ZNF398: variants seen among roughly 807,000 people sequenced by gnomAD.
ZNF398 encodes the protein zinc finger protein 398.
A neutral mutation model predicts 41.9 loss-of-function variants in ZNF398; 18 were observed. That is an observed-to-expected ratio of 0.43 (90% CI 0.30 to 0.64). The LOEUF is 0.64. ZNF398 is among the 30% of genes least tolerant of loss of function. The pLI, the probability that ZNF398 is intolerant of heterozygous loss-of-function variation, is 0.14. For synonymous variants in ZNF398, 260 were observed against 308.8 expected, an observed-to-expected ratio of 0.84 and a Z score of 1.66; for missense variants, 669 against 822.8, an observed-to-expected ratio of 0.81 and a Z score of 2.29.
At chr7:149,162,518 C>G (rs1254655747) in intron 2 of ZNF398, among the ~76,000 whole-genome samples, 1 of 152,012 alleles carries the variant, frequency 6.6e-6, no homozygotes, top group Non-Finnish European at 1.5e-5. Flanking sequence ...TTTATACAGA[C>G]AGGATCTCAC....
Position 149,181,953 on chromosome 7 carries a change from G to A in ZNF398, c.*2152G>A, listed in dbSNP as rs1303632918. 1 of 152,202 alleles carries A rather than the reference G, an allele frequency of 6.6e-6. No homozygotes were observed. Among genetic ancestry groups the A allele is most frequent in the Non-Finnish European group, 1.5e-5 (1 of 68,036 alleles). The allele number at this position is 152,202 out of a possible 1,614,324, so 9.4% of individuals were successfully genotyped here. ...CCAGTGAAAAGGGAGAAGAGCCAAA[G>A]TATTGTCTAGGTGCTGAGTTCCCTT... On this transcript the variant is annotated 3_prime_UTR_variant, in exon 6 of 6. Coordinates refer to ENST00000475153, the MANE Select transcript of ZNF398 (RefSeq NM_170686.3).
intron 1 of ZNF398, among the ~76,000 whole-genome samples, chr7:149,153,339 C>T (rs1794900653): frequency 6.6e-6 from 1 of 152,086 alleles, no homozygotes; most frequent in South Asian, 2.1e-4. Context: ...TATTGTAGGC[C>T]AAAGTTTGCC....
intron 1 of ZNF398, among the ~76,000 whole-genome samples, chr7:149,149,421 G>A (rs1316785254): frequency 2.0e-5 from 3 of 151,860 alleles, no homozygotes; most frequent in East Asian, 3.9e-4. Context: ...TTAGTAGAGA[G>A]GGGGGTTTCA....
At chr7:149,137,570 C>T (rs1300835537) in intron 2 of ZNF398, among the ~76,000 whole-genome samples, 2 of 152,018 alleles carry the variant, frequency 1.3e-5, no homozygotes, top group Non-Finnish European at 1.5e-5. Context: ...TTAGTAGAGA[C>T]GGGTTTTCAC....
chr7:149,163,720 C>G (rs1795163517), intron 2 of ZNF398, among the ~76,000 whole-genome samples: 1 of 152,114 alleles, frequency 6.6e-6, no homozygotes, highest in Admixed American at 6.6e-5. Context: ...GGTGATCCAC[C>G]CGCCTTGGCC....
intron 2 of ZNF398, among the ~76,000 whole-genome samples, chr7:149,134,402 T>C (rs1016992161): frequency 1.3e-4 from 20 of 151,722 alleles, no homozygotes; most frequent in Non-Finnish European, 2.6e-4. Context: ...GTTTTTGTCT[T>C]TTTGATATGA....
chr7:149,155,881 C>T (rs1449384039), intron 2 of ZNF398, among the ~76,000 whole-genome samples: 1 of 151,546 alleles, frequency 6.6e-6, no homozygotes, highest in East Asian at 2.0e-4. Flanking sequence ...CGTCCGTCAC[C>T]ATGCCCAGCT....
rs112205776 is a variant in ZNF398, at chr7:149,171,369, T to G, written c.661+4439T>G. ...CTATAACTTTTTCCTATTTTTAAATTTTTTTACTTATTTTTTTGAAATGAA... is the reference window on the plus strand; with the variant it reads ...CTATAACTTTTTCCTATTTTTAAATGTTTTTACTTATTTTTTTGAAATGAA... On this transcript the variant is annotated intron_variant, in intron 4 of 5. Transcript: ENST00000475153. 1.6e-3 allele frequency among the ~76,000 whole-genome samples: 240 copies of G among 152,194 alleles called. 1 individual carries two copies. Among genetic ancestry groups the G allele is most frequent in the African/African-American group, 5.1e-3 (212 of 41,544 alleles).
At chr7:149,151,768 C>T (rs1007412920) in intron 1 of ZNF398, among the ~76,000 whole-genome samples, 1 of 149,618 alleles carries the variant, frequency 6.7e-6, no homozygotes, top group Non-Finnish European at 1.5e-5. Context: ...ATTCATTCAA[C>T]AAAAATTTCT....
rs896800900 is a variant in ZNF398 at position 149,166,955 on chromosome 7, T to C, written c.661+25T>C. ...GGTAAGTGGGAGAAGAGATTCCTAC[T>C]TCTTGTCTCCCTTTCCTGGTCAGAC... is the stretch of plus-strand genomic sequence containing the variant. On this transcript the variant is annotated intron_variant, in intron 4 of 5. Coordinates refer to ENST00000475153, the MANE Select transcript of ZNF398 (RefSeq NM_170686.3). 19 of 1,529,752 alleles carry C rather than the reference T, an allele frequency of 1.2e-5. 1 individual carries two copies. In the South Asian group the frequency reaches 2.2e-4, roughly 18 times the overall value. 94.8% of individuals were successfully genotyped at this position (1,529,752 alleles called of 1,614,324 possible). A position where few individuals can be genotyped will look rare whatever the true frequency, so the allele number is the denominator to read the frequency against.
chr7:149,161,756 TTAG>T (rs1228396436), intron 2 of ZNF398, among the ~76,000 whole-genome samples: 1 of 149,738 alleles, frequency 6.7e-6, no homozygotes, highest in African/African-American at 2.5e-5. Context: ...AAGAGGGGAA[TTAG>T]TAGAAAAGCT....
At chr7:149,126,637 A>C (rs1163996300) in exon 1 of ZNF398, 1 of 244,860 alleles carries the variant, frequency 4.1e-6, no homozygotes, top group East Asian at 1.3e-4. Flanking sequence ...AGAAACCCGG[A>C]CTGAGAGGCA....
At chr7:149,165,150 T>C (rs914769141) in intron 2 of ZNF398, among the ~76,000 whole-genome samples, 4 of 151,814 alleles carry the variant, frequency 2.6e-5, no homozygotes, top group African/African-American at 9.7e-5. Flanking sequence ...AACGAAAATT[T>C]TGACCTGGAA....
At chr7:149,151,938 T>A (rs1827127051) in intron 1 of ZNF398, among the ~76,000 whole-genome samples, 1 of 152,004 alleles carries the variant, frequency 6.6e-6, no homozygotes, top group African/African-American at 2.4e-5. Context: ...TAAAATCATA[T>A]ATAAAATAAT....
intron 4 of ZNF398, among the ~76,000 whole-genome samples, chr7:149,172,084 C>T (rs1166066282): frequency 6.6e-6 from 1 of 152,158 alleles, no homozygotes; most frequent in African/African-American, 2.4e-5. Context: ...ACAAATGTTA[C>T]ATGGTACGTG....
At chr7:149,127,091 G>A (rs1826496395) in intron 1 of ZNF398, among the ~76,000 whole-genome samples, 1 of 152,170 alleles carries the variant, frequency 6.6e-6, no homozygotes, top group African/African-American at 2.4e-5. Flanking sequence ...CATGACACAG[G>A]GCGTGAGAAA....
At chr7:149,148,434 G>C in intron 1 of ZNF398, 4 of 985,564 alleles carry the variant, frequency 4.1e-6, no homozygotes, top group Non-Finnish European at 4.8e-6. Context: ...ATGAGAAGGG[G>C]ACGGTCAGGC....
At chr7:149,163,989 G>A (rs943098978) in intron 2 of ZNF398, among the ~76,000 whole-genome samples, 2 of 152,154 alleles carry the variant, frequency 1.3e-5, no homozygotes, top group Non-Finnish European at 2.9e-5. Context: ...GTGTGCACCT[G>A]TAATCCCAGC....
In ZNF398 at chr7:149,176,096, G is replaced by T. The variant is rs181693357; in HGVS notation, c.662-372G>T. On this transcript the variant is annotated intron_variant, in intron 4 of 5. Transcript: ENST00000475153. ...GCCTGTAATCCCAGCACTTTGGGAG[G>T]CCAAGGTGGGCGGATCATGAGGTCA... 8.7e-3 allele frequency among the ~76,000 whole-genome samples: 1,327 copies of T among 152,264 alleles called. 24 individuals carry two copies. Among genetic ancestry groups the T allele is most frequent in the African/African-American group, 0.03 (1,255 of 41,546 alleles).
Sources: allele counts gnomAD v4.1 joint callset (sites outside exome capture counted in the v4.1 genomes callset), GRCh38; gene constraint gnomAD v4.1.1; transcripts MANE v1.5; gene names NCBI Gene and HGNC (gene_info 2026-07-23, HGNC 2026-07-21).